The following SMYD3 variants were observed in gnomAD, a reference collection of about 807,000 sequenced individuals.
The protein encoded by SMYD3 is SET and MYND domain containing 3.
A neutral mutation model predicts 57.7 loss-of-function variants in SMYD3; 36 were observed. The observed-to-expected ratio is 0.62, with a 90% CI of 0.48 to 0.82. The LOEUF (loss-of-function observed/expected upper bound fraction) is 0.82, where lower values mean the gene tolerates loss of function less well. SMYD3 is among the 40% of genes least tolerant of loss of function. SMYD3 has a pLI of 0.00. For missense variants in SMYD3, 515 were observed against 538.8 expected (o/e 0.96, Z 0.44); for synonymous variants, 211 against 195.0 (o/e 1.08, Z -0.68).
At chr1:246,461,401 ATGT>A (rs1338650906) in intron 1 of SMYD3, among the ~76,000 whole-genome samples, 3 of 152,164 alleles carry the variant, frequency 2.0e-5, no homozygotes, top group Non-Finnish European at 4.4e-5. Flanking sequence ...AATTATATAC[ATGT>A]TATTATGTTA....
chr1:246,036,495 A>G (rs961327681), intron 5 of SMYD3, among the ~76,000 whole-genome samples: 10 of 151,036 alleles, frequency 6.6e-5, no homozygotes, highest in Non-Finnish European at 1.3e-4. Flanking sequence ...AAATAACCAT[A>G]AACTACACAT....
intron 5 of SMYD3, among the ~76,000 whole-genome samples, chr1:246,055,930 C>T (rs181924344): frequency 6.6e-6 from 1 of 152,078 alleles, no homozygotes. Flanking sequence ...TGGAGCTGGA[C>T]AGTGGTAACG....
rs1323419471 is a variant in SMYD3, at chr1:246,202,503, T to C, written c.531+124698A>G. Reference sequence around the variant, plus strand: ...ATTCAGCTGGAACCGAGTCAACTCCTTCCCCCTTTCCTCAGAGGCTTTTCC... The same window carrying C: ...ATTCAGCTGGAACCGAGTCAACTCCCTCCCCCTTTCCTCAGAGGCTTTTCC... On this transcript the variant is annotated intron_variant, in intron 5 of 11. Transcript: ENST00000490107. This position sits in a 1 kb window ranked among gnomAD's most constrained non-coding sequence, Gnocchi z 4.1. Among the ~76,000 whole-genome samples the C allele has an allele frequency of 6.6e-6, 1 of 152,162 alleles. No homozygotes were observed. The highest frequency in any genetic ancestry group is 1.9e-4 in the East Asian group (1 of 5,188).
At chr1:245,857,016 A>C (rs1025717985) in intron 10 of SMYD3, among the ~76,000 whole-genome samples, 9 of 152,076 alleles carry the variant, frequency 5.9e-5, no homozygotes, top group Admixed American at 2.0e-4. Flanking sequence ...TGCGATTCGT[A>C]TTTTCCGAGA....
At chr1:245,823,251 T>C (rs1269280107) in intron 10 of SMYD3, among the ~76,000 whole-genome samples, 1 of 152,194 alleles carries the variant, frequency 6.6e-6, no homozygotes, top group East Asian at 1.9e-4. Context: ...GCAAAATCCA[T>C]TTCTCCTTCT....
chr1:245,883,201 T>G (rs773605090), intron 8 of SMYD3, among the ~76,000 whole-genome samples: 1 of 152,208 alleles, frequency 6.6e-6, no homozygotes, highest in Non-Finnish European at 1.5e-5. Context: ...CCCTTGTAAC[T>G]AGATACTAAA....
At chr1:246,085,463 T>G (rs1042177252) in intron 5 of SMYD3, among the ~76,000 whole-genome samples, 1 of 152,180 alleles carries the variant, frequency 6.6e-6, no homozygotes, top group Non-Finnish European at 1.5e-5. Context: ...CTACGTTTTA[T>G]GACCTTCCCC....
intron 5 of SMYD3, among the ~76,000 whole-genome samples, chr1:246,308,524 C>T (rs1357848115): frequency 1.3e-5 from 2 of 152,068 alleles, no homozygotes; most frequent in Non-Finnish European, 2.9e-5. Flanking sequence ...GAGAGAGTTT[C>T]GTCCCAGAAG....
intron 1 of SMYD3, among the ~76,000 whole-genome samples, chr1:246,362,261 T>C (rs920417458): frequency 1.3e-5 from 2 of 152,228 alleles, no homozygotes; most frequent in Admixed American, 6.5e-5. Context: ...AGTTTAATTA[T>C]GAATATACTC....
At chr1:245,969,324 T>A (rs2058236785) in intron 5 of SMYD3, among the ~76,000 whole-genome samples, 1 of 152,130 alleles carries the variant, frequency 6.6e-6, no homozygotes, top group Admixed American at 6.5e-5. Flanking sequence ...CAACTTCTAC[T>A]AACAATAATG....
At chr1:245,946,243 A>G (rs1174158723) in intron 5 of SMYD3, among the ~76,000 whole-genome samples, 1 of 152,188 alleles carries the variant, frequency 6.6e-6, no homozygotes, top group Non-Finnish European at 1.5e-5. Flanking sequence ...GTGACAAAGA[A>G]TCTGAACAGG....
chr1:245,931,461 T>G (rs1572722560), intron 5 of SMYD3, among the ~76,000 whole-genome samples: 2 of 152,128 alleles, frequency 1.3e-5, no homozygotes, highest in South Asian at 4.1e-4. Context: ...TGAGGAAGAA[T>G]TTAACAGGAA....
intron 1 of SMYD3, among the ~76,000 whole-genome samples, chr1:246,415,814 A>G (rs918901023): frequency 2.6e-5 from 4 of 152,160 alleles, no homozygotes; most frequent in African/African-American, 9.7e-5. Context: ...ATTGAGCACC[A>G]CTAGTCTATA....
chr1:246,086,501 C>CTT (rs879767526), intron 5 of SMYD3, among the ~76,000 whole-genome samples: 2 of 141,272 alleles, frequency 1.4e-5, no homozygotes, highest in African/African-American at 2.6e-5. Context: ...GATATATTTT[C>CTT]TTTTTTTTTT....
At chr1:246,221,225 G>A (rs1211038029) in intron 5 of SMYD3, among the ~76,000 whole-genome samples, 1 of 152,170 alleles carries the variant, frequency 6.6e-6, no homozygotes, top group Admixed American at 6.5e-5. Context: ...CTAAGGAGCT[G>A]AACGCTCATT....
chr1:245,793,300 C>CAA (rs35711386), intron 10 of SMYD3, among the ~76,000 whole-genome samples: 110 of 137,702 alleles, frequency 8.0e-4, no homozygotes, highest in African/African-American at 2.7e-3. Flanking sequence ...GACTCCGTCC[C>CAA]AAAAAAAAAA....
intron 5 of SMYD3, among the ~76,000 whole-genome samples, chr1:246,162,593 G>A (rs534405597): frequency 2.5e-4 from 38 of 152,168 alleles, no homozygotes; most frequent in Middle Eastern, 3.4e-3. Flanking sequence ...TGGTTTTCAG[G>A]CATCATTACA....
chr1:246,408,329 C>T (rs4654251), intron 1 of SMYD3, among the ~76,000 whole-genome samples: 151,106 of 152,298 alleles, frequency 0.99, 74,974 homozygotes, highest in East Asian at 1. Context: ...TAAGACTCTC[C>T]CTTCAGGATA....
intron 1 of SMYD3, among the ~76,000 whole-genome samples, chr1:246,398,700 G>A (rs2066716207): frequency 6.6e-6 from 1 of 152,204 alleles, no homozygotes; most frequent in African/African-American, 2.4e-5. Context: ...GCTCAGGTTA[G>A]TCAGATCAGC....
Sources: gnomAD v4.1 joint callset for allele counts (sites outside exome capture counted in the v4.1 genomes callset) on GRCh38, gnomAD v4.1.1 for gene constraint, Gnocchi (gnomAD v3.1) non-coding constraint, MANE v1.5 for transcripts, NCBI Gene and HGNC (gene_info 2026-07-23, HGNC 2026-07-21) for gene names.